The following NRG1 variants were observed in gnomAD, a reference collection of about 807,000 sequenced individuals.
NRG1 encodes neuregulin 1.
NRG1 carries 18 observed loss-of-function variants against 63.8 expected under a neutral mutation model. That is an observed-to-expected ratio of 0.28 (90% CI 0.19 to 0.42). NRG1 has a LOEUF of 0.42. NRG1 is among the 10% of genes least tolerant of loss of function. The probability of loss-of-function intolerance (pLI) is 1.00; values close to 1 mark genes in which losing one functional copy is unlikely to be tolerated. For missense variants in NRG1, 762 were observed against 814.7 expected (o/e 0.94, Z 0.79); for synonymous variants, 302 against 301.3 (o/e 1.00, Z -0.02).
intron 1 of NRG1, among the ~76,000 whole-genome samples, chr8:32,150,607 C>G (rs556156812): frequency 1.3e-5 from 2 of 152,268 alleles, no homozygotes; most frequent in South Asian, 4.2e-4. Flanking sequence ...CTTGGACGTT[C>G]CAGCCTCCAG....
intron 1 of NRG1, among the ~76,000 whole-genome samples, chr8:31,721,305 G>A (rs1369157942): frequency 6.6e-6 from 1 of 152,154 alleles, no homozygotes; most frequent in African/African-American, 2.4e-5. Flanking sequence ...TTGTAATCCT[G>A]TGTGGGTACA....
At chr8:31,992,434 G>A (rs181089309) in intron 1 of NRG1, among the ~76,000 whole-genome samples, 6 of 152,084 alleles carry the variant, frequency 3.9e-5, no homozygotes, top group Non-Finnish European at 7.4e-5. Context: ...CTAGACAGGG[G>A]AGGGAATGGA....
intron 1 of NRG1, among the ~76,000 whole-genome samples, chr8:32,437,049 TATTGTGTGGGGATC>T (rs2129487170): frequency 1.3e-5 from 2 of 152,242 alleles, no homozygotes; most frequent in East Asian, 3.9e-4. Context: ...CTCATCATAA[TATTGTGTGGGGATC>T]AATGGGAGAG....
intron 1 of NRG1, among the ~76,000 whole-genome samples, chr8:31,651,876 A>G (rs1804881305): frequency 6.6e-6 from 1 of 152,076 alleles, no homozygotes; most frequent in Non-Finnish European, 1.5e-5. Context: ...TGTTTCCTCA[A>G]TCTATATCTC....
chr8:31,903,581 T>C (rs1021889706), intron 1 of NRG1, among the ~76,000 whole-genome samples: 2 of 152,198 alleles, frequency 1.3e-5, no homozygotes, highest in Non-Finnish European at 2.9e-5. Flanking sequence ...TATTGAGTAA[T>C]TTTTAGATAG....
chr8:32,574,195 A>T (rs1264192476), intron 1 of NRG1, among the ~76,000 whole-genome samples: 4 of 152,200 alleles, frequency 2.6e-5, no homozygotes, highest in Non-Finnish European at 4.4e-5. Context: ...TTTAAACAGG[A>T]TAGAAGATTT....
chr8:32,290,130 A>T (rs1001519193), intron 1 of NRG1, among the ~76,000 whole-genome samples: 1 of 152,036 alleles, frequency 6.6e-6, no homozygotes, highest in Non-Finnish European at 1.5e-5. Context: ...AGTCCTAGCT[A>T]TTTGGGAGGC....
chr8:32,415,312 G>T (rs952191875), intron 1 of NRG1, among the ~76,000 whole-genome samples: 1 of 149,830 alleles, frequency 6.7e-6, no homozygotes, highest in African/African-American at 2.5e-5. Context: ...GGAGGCTGAG[G>T]CAGGAGAATT....
chr8:31,810,120 T>A (rs1323990942), intron 1 of NRG1, among the ~76,000 whole-genome samples: 1 of 152,154 alleles, frequency 6.6e-6, no homozygotes, highest in Non-Finnish European at 1.5e-5. Flanking sequence ...ATGTATGAAC[T>A]TGTGCTCACT....
intron 1 of NRG1, among the ~76,000 whole-genome samples, chr8:32,221,812 G>T (rs1845842181): frequency 6.6e-6 from 1 of 151,930 alleles, no homozygotes; most frequent in Non-Finnish European, 1.5e-5. Flanking sequence ...TTTTAAACTG[G>T]TCTAAAAGGA....
intron 5 of NRG1, among the ~76,000 whole-genome samples, chr8:32,694,752 A>G (rs2128945365): frequency 6.6e-6 from 1 of 152,342 alleles, no homozygotes; most frequent in Non-Finnish European, 1.5e-5. Flanking sequence ...TTTCCCAGAC[A>G]GCTTCTACTC....
intron 1 of NRG1, among the ~76,000 whole-genome samples, chr8:31,683,813 C>T (rs894443207): frequency 6.6e-6 from 1 of 152,088 alleles, no homozygotes; most frequent in Admixed American, 6.6e-5. Context: ...TATATGGGAA[C>T]TCTCACTACT....
intron 1 of NRG1, among the ~76,000 whole-genome samples, chr8:31,642,118 G>A (rs1240321504): frequency 6.6e-6 from 1 of 152,148 alleles, no homozygotes; most frequent in Non-Finnish European, 1.5e-5. Context: ...GGGATTCCCC[G>A]AGACCCACTG....
At chr8:32,310,630 G>A (rs1856712159) in intron 1 of NRG1, among the ~76,000 whole-genome samples, 1 of 152,154 alleles carries the variant, frequency 6.6e-6, no homozygotes, top group South Asian at 2.1e-4. Flanking sequence ...GAGAATGCAG[G>A]AGAAGTCTAA....
At chr8:31,685,042 A>T (rs569856102) in intron 1 of NRG1, among the ~76,000 whole-genome samples, 4 of 152,148 alleles carry the variant, frequency 2.6e-5, no homozygotes, top group Non-Finnish European at 4.4e-5. Flanking sequence ...TAAAACTATG[A>T]GATTTCATAT....
intron 1 of NRG1, among the ~76,000 whole-genome samples, chr8:32,416,683 TGTG>T (rs1815963466): frequency 6.6e-6 from 1 of 152,052 alleles, no homozygotes; most frequent in African/African-American, 2.4e-5. Context: ...GTTTGTTTTT[TGTG>T]GTTGTTTTGT....
At chr8:32,627,980 T>G (rs1465421802) in intron 5 of NRG1, among the ~76,000 whole-genome samples, 1 of 152,226 alleles carries the variant, frequency 6.6e-6, no homozygotes, top group Admixed American at 6.5e-5. Flanking sequence ...TACACAAATA[T>G]TGTCCTACAT....
At chr8:32,506,182 G>A (rs1369926486) in intron 1 of NRG1, among the ~76,000 whole-genome samples, 2 of 152,200 alleles carry the variant, frequency 1.3e-5, no homozygotes, top group Non-Finnish European at 2.9e-5. Context: ...CTGGGAGTTT[G>A]AAGTTACAGT....
intron 1 of NRG1, among the ~76,000 whole-genome samples, chr8:31,792,027 G>A (rs1030476905): frequency 3.3e-5 from 5 of 152,114 alleles, no homozygotes; most frequent in African/African-American, 1.2e-4. Flanking sequence ...CAGCAGCCAG[G>A]TTGGCCTTTT....
Sources: allele counts gnomAD v4.1 joint callset (sites outside exome capture counted in the v4.1 genomes callset), GRCh38; gene constraint gnomAD v4.1.1; transcripts MANE v1.5; gene names NCBI Gene and HGNC (gene_info 2026-07-23, HGNC 2026-07-21).